FLI1: variants seen among roughly 807,000 people sequenced by gnomAD.
The protein encoded by FLI1 is Friend leukemia integration 1 transcription factor.
A neutral mutation model predicts 53.1 loss-of-function variants in FLI1; 13 were observed. The ratio of observed to expected loss-of-function variants is 0.24; its 90% CI spans 0.16 to 0.39. The LOEUF (loss-of-function observed/expected upper bound fraction) is 0.39. FLI1 is among the 10% of genes least tolerant of loss of function. The pLI is 1.00. For synonymous variants in FLI1, 244 were observed against 236.7 expected (o/e 1.03, Z -0.28); for missense variants, 424 against 600.5 (o/e 0.71, Z 3.07).
At chr11:128,741,750 C>A (rs556769955) in intron 1 of FLI1, among the ~76,000 whole-genome samples, 14 of 152,198 alleles carry the variant, frequency 9.2e-5, no homozygotes, top group Non-Finnish European at 1.8e-4. Flanking sequence ...GCTCAGTTCA[C>A]GGCTTTCCTG....
chr11:128,791,526 C>T lies in FLI1; in HGVS notation c.655+9503C>T, dbSNP rs79601773. On this transcript the variant is annotated intron_variant, in intron 5 of 8. Coordinates refer to ENST00000527786, the MANE Select transcript of FLI1 (RefSeq NM_002017.5). ...CCCAGCAGTCTTCTGTCTTGTGAGA[C>T]GGGAAGCGTCTTGAAGGTAGGGACT... Among the ~76,000 whole-genome samples, 818 of 152,244 alleles carry T rather than the reference C, an allele frequency of 5.4e-3. 7 individuals are homozygous for T. Among genetic ancestry groups the T allele is most frequent in the Admixed American group, 8.4e-3 (129 of 15,294 alleles).
chr11:128,743,067 G>C (rs1827113062), intron 1 of FLI1, among the ~76,000 whole-genome samples: 1 of 152,040 alleles, frequency 6.6e-6, no homozygotes, highest in South Asian at 2.1e-4. Flanking sequence ...CAATCACACA[G>C]AAAACCAGGT....
intron 3 of FLI1, among the ~76,000 whole-genome samples, chr11:128,771,537 T>G (rs1210856870): frequency 6.6e-6 from 1 of 152,252 alleles, no homozygotes; most frequent in African/African-American, 2.4e-5. Context: ...CTCCTAGTCA[T>G]TCAATCCTGG....
intron 3 of FLI1, 130 bp downstream of exon 3, chr11:128,768,402 C>T: frequency 8.6e-7 from 1 of 1,162,418 alleles, no homozygotes. Context: ...TGCACGCCAG[C>T]CGGGAGTGGT....
intron 5 of FLI1, among the ~76,000 whole-genome samples, chr11:128,794,347 A>G (rs1591379703): frequency 6.6e-6 from 1 of 152,298 alleles, no homozygotes; most frequent in African/African-American, 2.4e-5. Context: ...TGCCTAGTAT[A>G]CTGATTTAGA....
At chr11:128,785,942 A>C (rs954786741) in intron 5 of FLI1, among the ~76,000 whole-genome samples, 31 of 152,238 alleles carry the variant, frequency 2.0e-4, no homozygotes, top group Admixed American at 2.0e-3. Context: ...TAGCATTGTG[A>C]ATGTACTTAA....
intron 2 of FLI1, among the ~76,000 whole-genome samples, chr11:128,766,413 T>C (rs970659716): frequency 9.2e-5 from 14 of 152,172 alleles, no homozygotes; most frequent in Non-Finnish European, 1.5e-5. Flanking sequence ...TTCTAACATG[T>C]GTGAGTTATA....
chr11:128,694,561 G>T (rs1425056930), intron 1 of FLI1, among the ~76,000 whole-genome samples: 1 of 78,122 alleles, frequency 1.3e-5, no homozygotes, highest in Non-Finnish European at 2.5e-5. Context: ...AGGAGGGGAC[G>T]GCGGGAAACC....
intron 1 of FLI1, among the ~76,000 whole-genome samples, chr11:128,706,988 G>A (rs1272122875): frequency 1.3e-5 from 2 of 152,152 alleles, no homozygotes; most frequent in Non-Finnish European, 2.9e-5. Context: ...AGTTGAAAAT[G>A]GATTTAAAGA....
At chr11:128,751,968 A>G (rs1265680053) in intron 1 of FLI1, among the ~76,000 whole-genome samples, 1 of 151,596 alleles carries the variant, frequency 6.6e-6, no homozygotes, top group Non-Finnish European at 1.5e-5. Flanking sequence ...CAGCTTTTTA[A>G]ACAATTTTTT....
intron 4 of FLI1, among the ~76,000 whole-genome samples, chr11:128,779,696 T>C (rs1185434952): frequency 6.6e-6 from 1 of 152,168 alleles, no homozygotes; most frequent in East Asian, 1.9e-4. Context: ...CTCAAAGAGA[T>C]GAGGGAAATC....
chr11:128,805,704 A>G, intron 6 of FLI1: 1 of 369,614 alleles, frequency 2.7e-6, no homozygotes, highest in Non-Finnish European at 4.9e-6. Flanking sequence ...GTTCTGTACC[A>G]ATGAATGGTC....
chr11:128,730,287 A>T (rs989088353), intron 1 of FLI1, among the ~76,000 whole-genome samples: 4 of 152,204 alleles, frequency 2.6e-5, no homozygotes, highest in Admixed American at 6.5e-5. Flanking sequence ...GAGGTTTCCT[A>T]ATTGGCTGAG....
At chr11:128,732,317 T>G (rs959490456) in intron 1 of FLI1, among the ~76,000 whole-genome samples, 3 of 152,246 alleles carry the variant, frequency 2.0e-5, no homozygotes, top group Non-Finnish European at 2.9e-5. Flanking sequence ...CAGGAAATTC[T>G]GATGGGCAGA....
chr11:128,744,809 T>A (rs1331646207), intron 1 of FLI1, among the ~76,000 whole-genome samples: 1 of 152,118 alleles, frequency 6.6e-6, no homozygotes, highest in Non-Finnish European at 1.5e-5. Context: ...CTCAATCTAG[T>A]AGGAGAGATA....
chr11:128,745,334 T>A (rs550656267), intron 1 of FLI1, among the ~76,000 whole-genome samples: 18 of 152,254 alleles, frequency 1.2e-4, no homozygotes, highest in African/African-American at 3.9e-4. Flanking sequence ...GAGACGGCCC[T>A]GGCTGCCGAG....
Position 128,767,988 on chromosome 11 carries a change from C to A in FLI1, c.231-130C>A, listed in dbSNP as rs920345174. 5 of 737,968 alleles carry A rather than the reference C, an allele frequency of 6.8e-6. No individual in the cohort carries two copies. In the East Asian group the frequency reaches 1.1e-4, roughly 16 times the overall value. 45.7% of individuals were successfully genotyped at this position (737,968 alleles called of 1,614,324 possible). On this transcript the variant is annotated intron_variant, in intron 2 of 8. Transcript: ENST00000527786. ...GATAGAAAGAGGGCATCATCATCATCATGACACCAAGTGTGGCCGGGCAAT... is the reference window on the plus strand; with the variant it reads ...GATAGAAAGAGGGCATCATCATCATAATGACACCAAGTGTGGCCGGGCAAT...
chr11:128,766,614 C>T (rs1466531437), intron 2 of FLI1, among the ~76,000 whole-genome samples: 1 of 151,974 alleles, frequency 6.6e-6, no homozygotes, highest in Non-Finnish European at 1.5e-5. Flanking sequence ...GGCCTCCCCG[C>T]CCTGCCTGGG....
At chr11:128,693,226 A>T (rs1282942090), upstream of FLI1, 3 of 152,268 alleles carry the variant, frequency 2.0e-5, no homozygotes, top group African/African-American at 7.2e-5. Flanking sequence ...GGGCACCGGG[A>T]GCCCAGGGTC....
Sources: gnomAD v4.1 joint callset for allele counts (sites outside exome capture counted in the v4.1 genomes callset) on GRCh38, gnomAD v4.1.1 for gene constraint, MANE v1.5 for transcripts, NCBI Gene and HGNC (gene_info 2026-07-23, HGNC 2026-07-21) for gene names.